RCOR3: variants seen among roughly 807,000 people sequenced by gnomAD.
RCOR3 encodes the protein REST corepressor 3.
RCOR3 carries 13 observed loss-of-function variants against 64.1 expected under a neutral mutation model. The ratio of observed to expected loss-of-function variants is 0.20; its 90% CI spans 0.13 to 0.32. RCOR3 has a LOEUF of 0.32. Among genes scored for constraint, RCOR3 ranks in the 10% least tolerant of loss-of-function variants. The pLI is 1.00. For synonymous variants in RCOR3, 215 were observed against 239.0 expected (o/e 0.90, Z 0.93); for missense variants, 489 against 701.2 (o/e 0.70, Z 3.42).
chr1:211,297,833 T>A (rs945863184), intron 9 of RCOR3, among the ~76,000 whole-genome samples: 1 of 152,208 alleles, frequency 6.6e-6, no homozygotes, highest in African/African-American at 2.4e-5. Flanking sequence ...GTAAAGAACT[T>A]GAAGAATCAG....
At chr1:211,278,854 A>C (rs1436135013) in intron 6 of RCOR3, among the ~76,000 whole-genome samples, 4 of 152,138 alleles carry the variant, frequency 2.6e-5, no homozygotes, top group Non-Finnish European at 2.9e-5. Context: ...TTATTTAGAT[A>C]TATATATTAC....
At position 211,292,805 on chromosome 1, in the gene RCOR3, G is replaced by T. The variant is rs1282499743; in HGVS notation, c.940-2871G>T. Among the ~76,000 whole-genome samples the T allele has an allele frequency of 2.0e-5, 3 of 152,170 alleles. No individual in the cohort carries two copies. The East Asian group carries it at 5.8e-4, about 29-fold the overall frequency. ...ATCAGGTATTTACAAAGATGTCTTG[G>T]CCGGGTGCAGTGGCTCATGCCTGTA... On this transcript the variant is annotated intron_variant, in intron 8 of 11. Transcript: ENST00000419091.
Position 211,259,437 on chromosome 1 carries a change from TC to T in RCOR3, c.-122del. On this transcript the variant is annotated 5_prime_UTR_variant, in exon 1 of 12. Coordinates refer to ENST00000419091, the MANE Select transcript of RCOR3 (RefSeq NM_001136223.3). Reference sequence around the variant, plus strand: ...CGGCTCCATATTAACAGCCTCCTCCTCCTCCGCCGCCGCCGCCGTCTCCTCC... The same window carrying T: ...CGGCTCCATATTAACAGCCTCCTCCTCTCCGCCGCCGCCGCCGTCTCCTCC... 1.0e-6 allele frequency: 1 copy of T among 970,578 alleles called. No homozygotes were observed. Among genetic ancestry groups the T allele is most frequent in the Non-Finnish European group, 1.5e-6 (1 of 675,574 alleles). The allele number at this position is 970,578 out of a possible 1,614,324, so 60.1% of individuals were successfully genotyped here.
At chr1:211,305,059 G>C (rs867821627) in intron 10 of RCOR3, among the ~76,000 whole-genome samples, 1 of 152,064 alleles carries the variant, frequency 6.6e-6, no homozygotes, top group Non-Finnish European at 1.5e-5. Flanking sequence ...TTGCCAAATA[G>C]TCTTCAGAGA....
intron 7 of RCOR3, 29 bp downstream of exon 7, chr1:211,279,345 A>G (rs779056776): frequency 1.4e-6 from 2 of 1,476,262 alleles, no homozygotes; most frequent in Non-Finnish European, 1.9e-6. Context: ...AGTACTTGTG[A>G]TTGTTCTACA....
rs749916028 is a variant in RCOR3, at chr1:211,276,381, G to A, written c.479G>A (p.Ser160Asn). Residue 160 changes from serine (S) to asparagine (N), a missense_variant, in exon 5 of 12, where the codon AGT (serine) becomes AAT (asparagine). Physicochemically the swap from Ser to Asn is conservative, Grantham distance 46 (BLOSUM62 1). Coordinates refer to ENST00000419091, the MANE Select transcript of RCOR3 (RefSeq NM_001136223.3). ...AAAGTCCTATTTGAACAAGCCTTTA[G>A]TTTTCATGGAAAGAGCTTTCACAGG... ...EDKVLFEQAF[S>N]FHGKSFHRIQ... 4 of 1,613,352 alleles carry A rather than the reference G, an allele frequency of 2.5e-6. No homozygotes were observed. The highest frequency in any genetic ancestry group is 3.4e-6 in the Non-Finnish European group (4 of 1,179,552).
At position 211,312,195 on chromosome 1, in the gene RCOR3, T is replaced by G. The variant is rs148064391; in HGVS notation, c.1076-525T>G. ...TTTCAATTTGTTGGTACCCTGGTGC[T>G]ATAGGCAAGTATTCATGTTGAAGTT... is the stretch of plus-strand genomic sequence containing the variant. On this transcript the variant is annotated intron_variant, in intron 10 of 11. Coordinates refer to ENST00000419091, the MANE Select transcript of RCOR3 (RefSeq NM_001136223.3). The surrounding 1 kb of genome is among the most constrained non-coding windows in gnomAD (Gnocchi z 5.0). The G allele has an allele frequency of 1.3e-3, 296 of 225,166 alleles. 7 individuals are homozygous for G. The East Asian group carries it at 0.026, about 20-fold the overall frequency. The allele number at this position is 225,166 out of a possible 1,614,324, so 13.9% of individuals were successfully genotyped here. A position where few individuals can be genotyped will look rare whatever the true frequency, so the allele number is the denominator to read the frequency against.
At chr1:211,308,698 T>TTGTG (rs1701175394) in intron 10 of RCOR3, among the ~76,000 whole-genome samples, 4 of 40,874 alleles carry the variant, frequency 9.8e-5, no homozygotes, top group African/African-American at 2.7e-4. Context: ...TTTTTTTTTT[T>TTGTG]TGTGTAGTCC....
At chr1:211,261,851 G>A (rs1236742635) in intron 2 of RCOR3, among the ~76,000 whole-genome samples, 2 of 146,374 alleles carry the variant, frequency 1.4e-5, no homozygotes, top group African/African-American at 5.1e-5. Context: ...TTGAACCCGG[G>A]AGGCGGAGGT....
At chr1:211,276,601 A>G (rs964823903) in intron 5 of RCOR3, among the ~76,000 whole-genome samples, 183 bp downstream of exon 5, 4 of 152,358 alleles carry the variant, frequency 2.6e-5, no homozygotes, top group African/African-American at 7.2e-5. Context: ...GTTATGTGCT[A>G]TTGCATTATA....
chr1:211,264,158 G>A (rs1694820360), intron 2 of RCOR3, among the ~76,000 whole-genome samples: 2 of 152,072 alleles, frequency 1.3e-5, no homozygotes. Flanking sequence ...ATTGAGAAAT[G>A]GTTAGCTCCT....
chr1:211,259,456 T>C lies in RCOR3; in HGVS notation c.-105T>C, dbSNP rs1180221062. ...TCCTCCTCCTCCGCCGCCGCCGCCGTCTCCTCCTCCTCCTCCTTTCCCTCC... is the reference window on the plus strand; with the variant it reads ...TCCTCCTCCTCCGCCGCCGCCGCCGCCTCCTCCTCCTCCTCCTTTCCCTCC... On this transcript the variant is annotated 5_prime_UTR_variant, in exon 1 of 12. Transcript: ENST00000419091. 16 of 1,122,340 alleles carry C rather than the reference T, an allele frequency of 1.4e-5. No individual in the cohort carries two copies. The highest frequency in any genetic ancestry group is 1.3e-4 in the South Asian group (8 of 63,112). The allele number at this position is 1,122,340 out of a possible 1,614,324, so 69.5% of individuals were successfully genotyped here.
intron 10 of RCOR3, among the ~76,000 whole-genome samples, chr1:211,308,244 ATAAT>A (rs929104290): frequency 1.3e-5 from 2 of 152,350 alleles, no homozygotes; most frequent in East Asian, 1.9e-4. Context: ...CTTACATTAA[ATAAT>A]TAATGATTCA....
chr1:211,279,321 T>C lies in RCOR3; in HGVS notation c.720+5T>C. ...AAAAAAGAAGCCAAAAAAGAGGTAA[T>C]GATGATCACTAGAAGTACTTGTGAT... On this transcript the variant is annotated splice_donor_5th_base_variant and intron_variant, in intron 7 of 11. Coordinates refer to ENST00000419091, the MANE Select transcript of RCOR3 (RefSeq NM_001136223.3). 1 of 1,590,238 alleles carries C rather than the reference T, an allele frequency of 6.3e-7. No homozygotes were observed. Among genetic ancestry groups the C allele is most frequent in the South Asian group, 1.1e-5 (1 of 90,326 alleles).
rs1203326351 is a variant in RCOR3 at position 211,259,432 on chromosome 1, C to CCTCCTCCTCCGCCGCCGCCGCCGT, written c.-118_-95dup. The CCTCCTCCTCCGCCGCCGCCGCCGT allele has an allele frequency of 2.0e-5, 18 of 920,832 alleles. No individual in the cohort carries two copies. The highest frequency in any genetic ancestry group is 2.7e-5 in the Non-Finnish European group (17 of 625,070). 57.0% of individuals were successfully genotyped at this position (920,832 alleles called of 1,614,324 possible). On this transcript the variant is annotated 5_prime_UTR_variant, in exon 1 of 12. Coordinates refer to ENST00000419091, the MANE Select transcript of RCOR3 (RefSeq NM_001136223.3). ...TATGGCGGCTCCATATTAACAGCCT[C>CCTCCTCCTCCGCCGCCGCCGCCGT]CTCCTCCTCCGCCGCCGCCGCCGTC...
chr1:211,295,887 G>T, intron 9 of RCOR3, 134 bp downstream of exon 9: 2 of 604,472 alleles, frequency 3.3e-6, no homozygotes, highest in Non-Finnish European at 5.8e-6. Flanking sequence ...AATTTATTAT[G>T]TCTCTTTTTA....
intron 2 of RCOR3, among the ~76,000 whole-genome samples, chr1:211,264,948 C>G (rs1694936933): frequency 6.6e-6 from 1 of 152,134 alleles, no homozygotes; most frequent in Non-Finnish European, 1.5e-5. Context: ...TTATCATATG[C>G]CTTTAATCTA....
At chr1:211,282,848 T>G (rs1057212516) in intron 7 of RCOR3, among the ~76,000 whole-genome samples, 1 of 152,186 alleles carries the variant, frequency 6.6e-6, no homozygotes, top group African/African-American at 2.4e-5. Context: ...TATAATGAAA[T>G]TTCTAAATTA....
chr1:211,261,251 T>C (rs1377768016), intron 2 of RCOR3: 1 of 152,182 alleles, frequency 6.6e-6, no homozygotes, highest in Admixed American at 6.5e-5. Flanking sequence ...AGAGGCGTGT[T>C]TTTTTGTTCC....
Sources: allele counts gnomAD v4.1 joint callset (sites outside exome capture counted in the v4.1 genomes callset), GRCh38; gene constraint gnomAD v4.1.1; non-coding constraint Gnocchi (gnomAD v3.1); transcripts MANE v1.5; gene names NCBI Gene and HGNC (gene_info 2026-07-23, HGNC 2026-07-21).